The following HIVEP3 variants were observed in gnomAD, a reference collection of about 807,000 sequenced individuals.
The protein encoded by HIVEP3 is HIVEP zinc finger 3, also known as transcription factor HIVEP3.
HIVEP3 carries 49 observed loss-of-function variants against 152.8 expected under a neutral mutation model. The observed-to-expected ratio is 0.32, with a 90% confidence interval of 0.26 to 0.41. HIVEP3 has a LOEUF of 0.41. Among genes scored for constraint, HIVEP3 ranks in the 10% least tolerant of loss-of-function variants. The pLI, the probability that HIVEP3 is intolerant of heterozygous loss-of-function variation, is 1.00. For missense variants in HIVEP3, 2,790 were observed against 3,103.3 expected (o/e 0.90, Z 2.40); for synonymous variants, 1,269 against 1,289.0 (o/e 0.98, Z 0.33).
intron 1 of HIVEP3, among the ~76,000 whole-genome samples, chr1:41,962,751 G>A (rs532905574): frequency 2.0e-5 from 3 of 152,272 alleles, no homozygotes; most frequent in African/African-American, 4.8e-5. Context: ...ATTTCTGAAA[G>A]AAAGATGTAC....
intron 1 of HIVEP3, among the ~76,000 whole-genome samples, chr1:41,844,911 CA>C (rs1212950696): frequency 4.6e-5 from 7 of 152,344 alleles, no homozygotes; most frequent in African/African-American, 1.7e-4. Context: ...GGAGGCCAGC[CA>C]GGGGCAGAGG....
intron 6 of HIVEP3, among the ~76,000 whole-genome samples, chr1:41,524,256 T>A (rs1569717727): frequency 6.6e-6 from 1 of 151,484 alleles, no homozygotes; most frequent in Non-Finnish European, 1.5e-5. Flanking sequence ...GAGAGGTGGG[T>A]GGAGGTCGGC....
chr1:41,837,413 G>C (rs986112050), intron 1 of HIVEP3, among the ~76,000 whole-genome samples: 1 of 151,986 alleles, frequency 6.6e-6, no homozygotes, highest in Non-Finnish European at 1.5e-5. Flanking sequence ...TGCAACCTCC[G>C]CCTCCTAGGT....
chr1:41,603,742 G>A (rs927067923), intron 3 of HIVEP3, among the ~76,000 whole-genome samples: 2 of 152,224 alleles, frequency 1.3e-5, no homozygotes, highest in East Asian at 1.9e-4. Context: ...TAAGACTTGT[G>A]TTGTAACTTA....
At position 41,887,554 on chromosome 1, in the gene HIVEP3, T is replaced by C. The variant is rs764280835; in HGVS notation, c.-801+30859A>G. On this transcript the variant is annotated intron_variant, in intron 1 of 8. Coordinates refer to ENST00000372583, the MANE Select transcript of HIVEP3 (RefSeq NM_024503.5). ...TCACACATTTGTGCCCAGTCATCCATAGGGCAGCCTGGGCTACAAGGGTCA... is the reference window on the plus strand; with the variant it reads ...TCACACATTTGTGCCCAGTCATCCACAGGGCAGCCTGGGCTACAAGGGTCA... Among the ~76,000 whole-genome samples the C allele has an allele frequency of 5.9e-5, 9 of 152,308 alleles. No individual in the cohort carries two copies. The South Asian group carries it at 1.0e-3, about 18-fold the overall frequency.
intron 1 of HIVEP3, among the ~76,000 whole-genome samples, chr1:41,929,876 T>C (rs996487684): frequency 1.5e-4 from 23 of 151,618 alleles, no homozygotes; most frequent in African/African-American, 5.1e-4. Flanking sequence ...TTATTATCAA[T>C]AATATATTTG....
At chr1:41,701,672 C>T (rs1646364975) in intron 1 of HIVEP3, among the ~76,000 whole-genome samples, 2 of 152,208 alleles carry the variant, frequency 1.3e-5, no homozygotes, top group South Asian at 2.1e-4. Context: ...TAACTGTATA[C>T]CTATTATCTT....
intron 3 of HIVEP3, among the ~76,000 whole-genome samples, chr1:41,604,575 C>T (rs779973165): frequency 3.9e-5 from 6 of 152,194 alleles, no homozygotes; most frequent in Non-Finnish European, 7.3e-5. Context: ...GAGACTTCAT[C>T]TCACTTGCCC....
At chr1:41,859,905 C>T (rs1280522517) in intron 1 of HIVEP3, among the ~76,000 whole-genome samples, 7 of 152,190 alleles carry the variant, frequency 4.6e-5, no homozygotes, top group Admixed American at 3.9e-4. Context: ...AAAGTGAACT[C>T]CCTACCGCTG....
chr1:41,737,702 G>T (rs182241461), intron 1 of HIVEP3, among the ~76,000 whole-genome samples: 1 of 152,210 alleles, frequency 6.6e-6, no homozygotes, highest in African/African-American at 2.4e-5. Flanking sequence ...AAGGTGGGGC[G>T]GGGAACTCAG....
chr1:41,719,607 G>A (rs989257759), intron 1 of HIVEP3, among the ~76,000 whole-genome samples: 15 of 152,302 alleles, frequency 9.8e-5, no homozygotes, highest in African/African-American at 3.6e-4. Flanking sequence ...ACTCAGGGAC[G>A]TCCCTGTCCC....
intron 6 of HIVEP3, among the ~76,000 whole-genome samples, chr1:41,520,545 G>C (rs1312975048): frequency 6.6e-6 from 1 of 152,162 alleles, no homozygotes; most frequent in African/African-American, 2.4e-5. Context: ...GTCTTCCGCG[G>C]ATCAGAGATA....
At chr1:41,605,373 G>GCA (rs1482926182) in intron 3 of HIVEP3, among the ~76,000 whole-genome samples, 2,151 of 106,756 alleles carry the variant, frequency 0.02, 42 homozygotes, top group African/African-American at 0.077. Flanking sequence ...ACACGCACAC[G>GCA]CGCACACACA....
At chr1:41,876,635 T>C (rs936161008) in intron 1 of HIVEP3, among the ~76,000 whole-genome samples, 1 of 152,174 alleles carries the variant, frequency 6.6e-6, no homozygotes, top group Non-Finnish European at 1.5e-5. Context: ...CAACCAGGAC[T>C]CTTTTCCCTT....
chr1:41,526,627 T>TCACACACAGCCTCACACACCCTA lies in HIVEP3; in HGVS notation c.5208-1718_5208-1717insTAGGGTGTGTGAGGCTGTGTGTG, dbSNP rs1642937656. On this transcript the variant is annotated intron_variant, in intron 5 of 8. Transcript: ENST00000372583. ...CCTGCTCCCACCCCCACCTTCACCC[T>TCACACACAGCCTCACACACCCTA]CACACACACCCTCACACCCCCACAC... 9.3e-4 allele frequency among the ~76,000 whole-genome samples: 7 copies of TCACACACAGCCTCACACACCCTA among 7,534 alleles called. 1 individual carries two copies. The East Asian group carries it at 0.013, about 14-fold the overall frequency. 4.9% of individuals were successfully genotyped at this position (7,534 alleles called of 152,430 possible). A position where few individuals can be genotyped will look rare whatever the true frequency, so the allele number is the denominator to read the frequency against.
At chr1:41,676,678 G>C (rs1645961401) in intron 2 of HIVEP3, among the ~76,000 whole-genome samples, 1 of 151,944 alleles carries the variant, frequency 6.6e-6, no homozygotes, top group Admixed American at 6.6e-5. Context: ...CTTTCTTCTG[G>C]CAAGAATTCC....
intron 5 of HIVEP3, among the ~76,000 whole-genome samples, chr1:41,574,332 T>C (rs1355912749): frequency 6.6e-6 from 1 of 152,084 alleles, no homozygotes; most frequent in Admixed American, 6.5e-5. Flanking sequence ...GGAAAGAGGG[T>C]TGGCATTTTC....
At chr1:41,860,246 G>T (rs1304856599) in intron 1 of HIVEP3, among the ~76,000 whole-genome samples, 1 of 152,188 alleles carries the variant, frequency 6.6e-6, no homozygotes, top group Non-Finnish European at 1.5e-5. Flanking sequence ...GCATGCCACA[G>T]TGGGGGAATT....
chr1:41,580,349 T>C lies in HIVEP3; in HGVS notation c.4449A>G (p.Lys1483=), dbSNP rs1391359662. The change falls in exon 4 of 9, where the codon AAA becomes AAG. Residue 1483 remains lysine, a synonymous_variant. Coordinates refer to ENST00000372583, the MANE Select transcript of HIVEP3 (RefSeq NM_024503.5). ...TSTEDGKRPE[K]SHLGNQGQGR... is the part of the protein sequence containing the mutation. Reference sequence around the variant, plus strand: ...CTTGGCCCTGGTTGCCTAAGTGGGATTTCTCTGGCCTCTTCCCATCCTCGG... The same window carrying C: ...CTTGGCCCTGGTTGCCTAAGTGGGACTTCTCTGGCCTCTTCCCATCCTCGG... The C allele has an allele frequency of 6.2e-7, 1 of 1,614,072 alleles. No individual in the cohort carries two copies. The highest frequency in any genetic ancestry group is 8.5e-7 in the Non-Finnish European group (1 of 1,180,046).
Sources: gnomAD v4.1 joint callset for allele counts (sites outside exome capture counted in the v4.1 genomes callset) on GRCh38, gnomAD v4.1.1 for gene constraint, MANE v1.5 for transcripts, NCBI Gene and HGNC (gene_info 2026-07-23, HGNC 2026-07-21) for gene names.